SPATA6: variants seen among roughly 807,000 people sequenced by gnomAD.
SPATA6 encodes spermatogenesis associated 6, also known as spermatogenesis-associated protein 6.
In SPATA6, 56 loss-of-function variants were observed where a neutral mutation model predicts 65.3. The observed-to-expected ratio is 0.86, with a 90% CI of 0.69 to 1.07. SPATA6 has a LOEUF of 1.07. SPATA6 is among the 50% of genes least tolerant of loss of function. The pLI is 0.00. For synonymous variants in SPATA6, 199 were observed against 213.2 expected (o/e 0.93, Z 0.58); for missense variants, 590 against 594.8 (o/e 0.99, Z 0.08).
chr1:48,287,037 C>CAAAAA, the SPATA6 span, among the ~76,000 whole-genome samples: 20 of 113,148 alleles, frequency 1.8e-4, no homozygotes, highest in East Asian at 4.6e-3. Flanking sequence ...TAGACTGTCT[C>CAAAAA]AAAAAAAAAA....
At chr1:48,281,540 A>G in the SPATA6 span, among the ~76,000 whole-genome samples, 3 of 152,142 alleles carry the variant, frequency 2.0e-5, no homozygotes, top group Non-Finnish European at 2.9e-5. Context: ...TACACCAATA[A>G]CAGACAAACA....
Position 48,395,371 on chromosome 1 carries a change from T to C in SPATA6, c.781-17A>G. ...GGGATCAACCTAGAGGAAGCAGGAT[T>C]TTTATGTAAAAGAGAGTTTAAACAT... is the stretch of plus-strand genomic sequence containing the variant. On this transcript the variant is annotated splice_polypyrimidine_tract_variant and intron_variant, in intron 7 of 12. Transcript: ENST00000371847. The C allele has an allele frequency of 6.6e-7, 1 of 1,516,624 alleles. No homozygotes were observed. The highest frequency in any genetic ancestry group is 8.8e-7 in the Non-Finnish European group (1 of 1,131,346). 93.9% of individuals were successfully genotyped at this position (1,516,624 alleles called of 1,614,324 possible). A position where few individuals can be genotyped will look rare whatever the true frequency, so the allele number is the denominator to read the frequency against.
intron 11 of SPATA6, among the ~76,000 whole-genome samples, chr1:48,341,269 A>T (rs777191614): frequency 4.6e-5 from 7 of 152,126 alleles, no homozygotes; most frequent in Admixed American, 1.3e-4. Flanking sequence ...CATCAGTTCC[A>T]CTTCCCATGG....
At chr1:48,367,814 T>A (rs1647077064) in intron 9 of SPATA6, among the ~76,000 whole-genome samples, 1 of 152,186 alleles carries the variant, frequency 6.6e-6, no homozygotes, top group African/African-American at 2.4e-5. Flanking sequence ...TTAATATTGT[T>A]ATGTGTGAAT....
At chr1:48,439,443 A>G (rs534628970) in intron 3 of SPATA6, among the ~76,000 whole-genome samples, 8 of 152,088 alleles carry the variant, frequency 5.3e-5, no homozygotes, top group African/African-American at 1.4e-4. Flanking sequence ...TCCGATCAGC[A>G]GGGTCCAGGG....
At chr1:48,381,070 C>T (rs999501016) in intron 9 of SPATA6, among the ~76,000 whole-genome samples, 4 of 152,266 alleles carry the variant, frequency 2.6e-5, no homozygotes, top group African/African-American at 7.2e-5. Flanking sequence ...CAGTAGGGTT[C>T]GTGCTCCTAT....
At chr1:48,439,202 C>T (rs1346723167) in intron 3 of SPATA6, among the ~76,000 whole-genome samples, 7 of 152,216 alleles carry the variant, frequency 4.6e-5, no homozygotes, top group Admixed American at 1.3e-4. Context: ...CAATTTTTCT[C>T]GGTACTCTTT....
At position 48,399,542 on chromosome 1, in the gene SPATA6, TTC is replaced by T; in HGVS notation, c.587_588del (p.Arg196LysfsTer2). The T allele has an allele frequency of 6.2e-7, 1 of 1,613,156 alleles. No homozygotes were observed. Among genetic ancestry groups the T allele is most frequent in the Non-Finnish European group, 8.5e-7 (1 of 1,179,394 alleles). ...SQKKKSKSPE[R>X]SKYCINAKNY... ...TTTTTTGCATTTATACAGTATTTAC[TTC>T]TCTCAGGTGACTTGGATTTTTTCTT... On this transcript the variant is annotated frameshift_variant, in exon 7 of 13. Transcript: ENST00000371847. LOFTEE classifies it high-confidence loss of function.
intron 9 of SPATA6, among the ~76,000 whole-genome samples, chr1:48,379,886 T>C (rs1002090848): frequency 6.6e-6 from 1 of 152,242 alleles, no homozygotes; most frequent in Non-Finnish European, 1.5e-5. Context: ...TGCAGTATCA[T>C]ATGCTTTACG....
intron 8 of SPATA6, among the ~76,000 whole-genome samples, chr1:48,386,838 C>G (rs567525442): frequency 1.2e-4 from 18 of 152,274 alleles, no homozygotes; most frequent in African/African-American, 4.3e-4. Context: ...GGCAAGGCAC[C>G]ACTTTAGAAC....
chr1:48,311,084 T>C (rs1414814250), intron 11 of SPATA6, among the ~76,000 whole-genome samples: 2 of 152,082 alleles, frequency 1.3e-5, no homozygotes, highest in South Asian at 2.1e-4. Flanking sequence ...GCAGTGCTTC[T>C]AGAGGAACAT....
intron 9 of SPATA6, among the ~76,000 whole-genome samples, chr1:48,381,276 C>T (rs1005711647): frequency 1.5e-4 from 23 of 152,134 alleles, no homozygotes; most frequent in African/African-American, 5.6e-4. Flanking sequence ...ATAGTCTATA[C>T]TAGTGGCTCT....
intron 3 of SPATA6, among the ~76,000 whole-genome samples, chr1:48,416,820 TA>T (rs1270822900): frequency 6.6e-6 from 1 of 152,060 alleles, no homozygotes; most frequent in Admixed American, 6.6e-5. Flanking sequence ...GGTTTAATAT[TA>T]AAAAATAATG....
chr1:48,280,039 C>A, the SPATA6 span, among the ~76,000 whole-genome samples: 3 of 152,102 alleles, frequency 2.0e-5, no homozygotes, highest in East Asian at 1.9e-4. Flanking sequence ...CACTGAAAAC[C>A]GCTCAACTAC....
chr1:48,281,485 G>A, the SPATA6 span, among the ~76,000 whole-genome samples: 57 of 152,324 alleles, frequency 3.7e-4, no homozygotes, highest in African/African-American at 1.3e-3. Context: ...TTTCAGCAAA[G>A]TCTCAGGATA....
chr1:48,379,807 C>A (rs1219946109), intron 9 of SPATA6, among the ~76,000 whole-genome samples: 1 of 152,156 alleles, frequency 6.6e-6, no homozygotes, highest in African/African-American at 2.4e-5. Context: ...AATCCAGTAT[C>A]ATACGCTTTA....
chr1:48,409,896 CA>C (rs1221516293), intron 5 of SPATA6, among the ~76,000 whole-genome samples: 1 of 152,234 alleles, frequency 6.6e-6, no homozygotes. Context: ...TCTTAGGCCT[CA>C]AGGCCTGTGA....
intron 1 of SPATA6, among the ~76,000 whole-genome samples, chr1:48,467,100 C>G (rs2803282): frequency 0.14 from 21,598 of 152,076 alleles, 1,757 homozygotes; most frequent in African/African-American, 0.21. Context: ...AAACAAGTTA[C>G]TTAGCATACT....
chr1:48,450,438 T>C (rs549315036), intron 3 of SPATA6, among the ~76,000 whole-genome samples: 1 of 151,594 alleles, frequency 6.6e-6, no homozygotes, highest in Admixed American at 6.6e-5. Flanking sequence ...TCAAATCAAA[T>C]GGGACAAAAA....
Sources: gnomAD v4.1 joint callset for allele counts (sites outside exome capture counted in the v4.1 genomes callset) on GRCh38, gnomAD v4.1.1 for gene constraint, MANE v1.5 for transcripts, NCBI Gene and HGNC (gene_info 2026-07-23, HGNC 2026-07-21) for gene names.